LRBA: variants seen among roughly 807,000 people sequenced by gnomAD.
LRBA encodes lipopolysaccharide-responsive and beige-like anchor protein.
Under a neutral mutation model 330.0 loss-of-function variants are expected in LRBA, and 176 were observed. The observed-to-expected ratio is 0.53, with a 90% CI of 0.47 to 0.60. The LOEUF is 0.60. Among genes scored for constraint, LRBA ranks in the 20% least tolerant of loss-of-function variants. The probability of loss-of-function intolerance (pLI) is 0.00; values close to 1 mark genes in which losing one functional copy is unlikely to be tolerated. For missense variants in LRBA, 3,259 were observed against 3,444.8 expected (o/e 0.95, Z 1.35); for synonymous variants, 1,230 against 1,193.0 (o/e 1.03, Z -0.64).
chr4:150,761,338 C>T lies in LRBA; in HGVS notation c.5645+445G>A, dbSNP rs1050102902. Among the ~76,000 whole-genome samples, 7 of 151,790 alleles carry T rather than the reference C, an allele frequency of 4.6e-5. 1 individual carries two copies. Among genetic ancestry groups the T allele is most frequent in the Admixed American group, 4.6e-4 (7 of 15,204 alleles). Reference sequence around the variant, plus strand: ...TCTGTTCTTTAAGTAGAAAATATACCTCCTTATTTCCTCTATCACCTTTCT... The same window carrying T: ...TCTGTTCTTTAAGTAGAAAATATACTTCCTTATTTCCTCTATCACCTTTCT... On this transcript the variant is annotated intron_variant, in intron 35 of 56. Transcript: ENST00000651943.
At chr4:150,398,665 C>T (rs1476023367) in intron 47 of LRBA, among the ~76,000 whole-genome samples, 5 of 151,244 alleles carry the variant, frequency 3.3e-5, no homozygotes, top group Non-Finnish European at 7.4e-5. Context: ...CTTGCTCTGT[C>T]ACCCAGGCTG....
chr4:150,985,653 C>T (rs1741378142), intron 2 of LRBA, among the ~76,000 whole-genome samples: 1 of 152,018 alleles, frequency 6.6e-6, no homozygotes, highest in African/African-American at 2.4e-5. Context: ...CACCCACCAC[C>T]ACACCCAGCT....
intron 52 of LRBA, among the ~76,000 whole-genome samples, chr4:150,303,831 C>T (rs1730003596): frequency 6.6e-6 from 1 of 151,758 alleles, no homozygotes. Flanking sequence ...CCTGGGCCTC[C>T]CAAAGTGCTG....
At chr4:150,827,604 CT>C (rs1215325451) in intron 30 of LRBA, among the ~76,000 whole-genome samples, 1,784 of 139,824 alleles carry the variant, frequency 0.013, 20 homozygotes, top group African/African-American at 0.033. Flanking sequence ...CTTTTTTTTT[CT>C]TTTTTTTTTT....
intron 48 of LRBA, among the ~76,000 whole-genome samples, chr4:150,348,132 C>T (rs969146506): frequency 4.6e-5 from 7 of 152,152 alleles, no homozygotes; most frequent in African/African-American, 7.2e-5. Flanking sequence ...TCTAGATTAA[C>T]GCACAGTAAA....
rs530882371 is a variant in LRBA, at chr4:150,908,266, AT to A, written c.1493+67del. 1,335 of 1,504,992 alleles carry A rather than the reference AT, an allele frequency of 8.9e-4. 5 individuals are homozygous for A. Among genetic ancestry groups the A allele is most frequent in the African/African-American group, 6.5e-3 (454 of 70,346 alleles). The allele number at this position is 1,504,992 out of a possible 1,614,324, so 93.2% of individuals were successfully genotyped here. Reference sequence around the variant, plus strand: ...CACAACAAAACCTGAAAGGCAAAATATTGTATAGCTCAACAGTGATGAAATT... The same window carrying A: ...CACAACAAAACCTGAAAGGCAAAATATGTATAGCTCAACAGTGATGAAATT... On this transcript the variant is annotated intron_variant, in intron 11 of 56. Coordinates refer to ENST00000651943, the MANE Select transcript of LRBA (RefSeq NM_001364905.1).
intron 49 of LRBA, among the ~76,000 whole-genome samples, chr4:150,324,020 A>G (rs1040631216): frequency 6.6e-6 from 1 of 152,160 alleles, no homozygotes; most frequent in Admixed American, 6.5e-5. Flanking sequence ...CGAAAAACAC[A>G]ATTTGTGCAA....
At chr4:150,505,258 C>T (rs1385026076) in intron 40 of LRBA, among the ~76,000 whole-genome samples, 2 of 152,184 alleles carry the variant, frequency 1.3e-5, no homozygotes, top group South Asian at 2.1e-4. Context: ...CTCTCCACCC[C>T]AAATCAACAG....
chr4:150,290,418 G>A (rs1422071874), intron 53 of LRBA, among the ~76,000 whole-genome samples: 1 of 152,104 alleles, frequency 6.6e-6, no homozygotes, highest in Non-Finnish European at 1.5e-5. Context: ...GAGATAGTAG[G>A]ATCTCCCAAA....
At chr4:151,002,949 G>C (rs1294576336) in intron 2 of LRBA, among the ~76,000 whole-genome samples, 1 of 152,086 alleles carries the variant, frequency 6.6e-6, no homozygotes, top group Non-Finnish European at 1.5e-5. Context: ...AGGAGGTGGA[G>C]GTTGCAGTGA....
intron 35 of LRBA, among the ~76,000 whole-genome samples, chr4:150,742,644 T>C (rs1732171272): frequency 6.6e-6 from 1 of 151,910 alleles, no homozygotes; most frequent in Admixed American, 6.6e-5. Context: ...ATGCCTACAA[T>C]CCCAGCACGT....
At position 150,697,336 on chromosome 4, in the gene LRBA, A is replaced by AC. The variant is rs1327020680; in HGVS notation, c.5755-13620_5755-13619insG. ...GAGACTTTGTCTCAGAAAAAAAAAA[A>AC]AAAAAAAAAAAAAAACAGGGAGAGT... is the stretch of plus-strand genomic sequence containing the variant. On this transcript the variant is annotated intron_variant, in intron 36 of 56. Transcript: ENST00000651943. Among the ~76,000 whole-genome samples, 1,065 of 146,106 alleles carry AC rather than the reference A, an allele frequency of 7.3e-3. 44 individuals carry two copies. Among genetic ancestry groups the AC allele is most frequent in the African/African-American group, 0.026 (1,014 of 38,378 alleles).
intron 40 of LRBA, among the ~76,000 whole-genome samples, chr4:150,547,337 A>C (rs1219110108): frequency 6.6e-6 from 1 of 152,186 alleles, no homozygotes; most frequent in East Asian, 1.9e-4. Flanking sequence ...ACACACAGAC[A>C]CTTGAAGTAA....
intron 2 of LRBA, among the ~76,000 whole-genome samples, chr4:150,991,571 T>C (rs573225714): frequency 6.6e-6 from 1 of 152,364 alleles, no homozygotes; most frequent in African/African-American, 2.4e-5. Flanking sequence ...AAAGGCTACT[T>C]GCTACATGAT....
intron 2 of LRBA, among the ~76,000 whole-genome samples, chr4:150,973,867 T>G (rs1739859399): frequency 6.6e-6 from 1 of 152,178 alleles, no homozygotes; most frequent in South Asian, 2.1e-4. Flanking sequence ...GCATCAGCAG[T>G]GCAGTAAAGT....
chr4:150,503,754 C>T (rs4413387), intron 40 of LRBA, among the ~76,000 whole-genome samples: 54,448 of 152,068 alleles, frequency 0.36, 11,685 homozygotes, highest in South Asian at 0.5. Flanking sequence ...ATGACTTTGA[C>T]GAGTTGAGAG....
rs748696039 is a variant in LRBA at position 150,310,352 on chromosome 4, T to G, written c.7726A>C (p.Thr2576Pro). 9 of 1,613,322 alleles carry G rather than the reference T, an allele frequency of 5.6e-6. No individual in the cohort carries two copies. The East Asian group carries it at 1.8e-4, about 32-fold the overall frequency. ...TGAATACTTTGGTCTAAAAGGTCAG[T>G]GATTTGCCTCCTGTGCATTCCTGTA... Reference protein sequence around the residue: ...SNTGMHRRQITDLLDQSIQVH... With the variant: ...SNTGMHRRQIPDLLDQSIQVH... Residue 2576 changes from threonine (T) to proline (P), a missense_variant, in exon 52 of 57, where the codon ACT becomes CCT. Transcript: ENST00000651943.
intron 36 of LRBA, among the ~76,000 whole-genome samples, chr4:150,695,486 C>A (rs942201458): frequency 6.6e-6 from 1 of 152,132 alleles, no homozygotes; most frequent in Non-Finnish European, 1.5e-5. Context: ...CCATGCCCAG[C>A]TAATATTTTT....
chr4:150,909,087 C>A (rs1358633809), intron 9 of LRBA, among the ~76,000 whole-genome samples: 1 of 152,120 alleles, frequency 6.6e-6, no homozygotes, highest in Non-Finnish European at 1.5e-5. Context: ...ACCAATAGAT[C>A]ATATTTTATC....
Sources: allele counts gnomAD v4.1 joint callset (sites outside exome capture counted in the v4.1 genomes callset), GRCh38; gene constraint gnomAD v4.1.1; transcripts MANE v1.5; gene names NCBI Gene and HGNC (gene_info 2026-07-23, HGNC 2026-07-21).